ZNF883: variants seen among roughly 807,000 people sequenced by gnomAD.
ZNF883 encodes the protein zinc finger protein 883.
chr9:112,998,002 C>A, exon 1 of ZNF883: 2 of 1,612,938 alleles, frequency 1.2e-6, no homozygotes, highest in Non-Finnish European at 1.7e-6. Flanking sequence ...CTCTTTGATG[C>A]TGAATAAGAT....
intron 2 of ZNF883, among the ~76,000 whole-genome samples, chr9:113,007,948 A>C (rs898998338): frequency 2.0e-5 from 3 of 152,214 alleles, no homozygotes; most frequent in African/African-American, 7.2e-5. Context: ...AAGGAGAAAA[A>C]TTTCAAATTA....
chr9:112,990,365 A>G (rs1828290383), intron 1 of ZNF883, among the ~76,000 whole-genome samples: 1 of 152,184 alleles, frequency 6.6e-6, no homozygotes, highest in Non-Finnish European at 1.5e-5. Context: ...GCATCTATTG[A>G]GATAATCATG....
chr9:112,992,395 T>C (rs60338828), downstream of ZNF883, among the ~76,000 whole-genome samples: 16,174 of 152,232 alleles, frequency 0.11, 983 homozygotes, highest in African/African-American at 0.14. Context: ...CCTTTAAGAA[T>C]GTTGAATATT....
upstream of ZNF883, chr9:112,998,373 C>T (rs1227756024): frequency 6.3e-6 from 5 of 793,334 alleles, no homozygotes; most frequent in Non-Finnish European, 9.0e-6. Flanking sequence ...ACAAATGCAT[C>T]CTTTCTTATA....
chr9:113,002,382 T>C (rs917012942), upstream of ZNF883, among the ~76,000 whole-genome samples: 2 of 149,208 alleles, frequency 1.3e-5, no homozygotes, highest in African/African-American at 5.0e-5. Flanking sequence ...AAATGTAACA[T>C]GGTATCTTGA....
chr9:112,989,133 T>C (rs546072652), intron 1 of ZNF883, among the ~76,000 whole-genome samples: 2 of 152,358 alleles, frequency 1.3e-5, no homozygotes, highest in African/African-American at 4.8e-5. Context: ...TTTAGTTTAA[T>C]TAGATCCCAT....
At chr9:112,992,532 T>C (rs1163250138), downstream of ZNF883, among the ~76,000 whole-genome samples, 1 of 152,160 alleles carries the variant, frequency 6.6e-6, no homozygotes, top group African/African-American at 2.4e-5. Flanking sequence ...ATTTCGACCT[T>C]GGAGAATCTG....
chr9:113,000,634 A>G (rs1415888816), upstream of ZNF883, among the ~76,000 whole-genome samples: 1 of 152,166 alleles, frequency 6.6e-6, no homozygotes, highest in Non-Finnish European at 1.5e-5. Flanking sequence ...AGATTCATAA[A>G]GATACAATGT....
chr9:113,003,226 G>A (rs1160953659), upstream of ZNF883, among the ~76,000 whole-genome samples: 2 of 152,104 alleles, frequency 1.3e-5, no homozygotes, highest in Non-Finnish European at 2.9e-5. Context: ...ACTCTTATGA[G>A]TTCTGATGGT....
intron 2 of ZNF883, among the ~76,000 whole-genome samples, chr9:113,005,838 C>T (rs1256307881): frequency 6.6e-6 from 1 of 152,088 alleles, no homozygotes; most frequent in Non-Finnish European, 1.5e-5. Context: ...TCCTCAGTGC[C>T]ACCCACAGAA....
chr9:113,004,064 C>T (rs935420691), intron 2 of ZNF883, among the ~76,000 whole-genome samples: 19 of 152,094 alleles, frequency 1.2e-4, no homozygotes, highest in Admixed American at 6.5e-5. Context: ...GGCTGGTGCC[C>T]TTTTAAGAAG....
At chr9:112,992,424 G>T (rs1432755925), downstream of ZNF883, among the ~76,000 whole-genome samples, 1 of 152,206 alleles carries the variant, frequency 6.6e-6, no homozygotes, top group Non-Finnish European at 1.5e-5. Flanking sequence ...CTTCAAGCTT[G>T]TAGGGTTTCT....
chr9:112,995,428 T>A (rs991575338), downstream of ZNF883, among the ~76,000 whole-genome samples: 2 of 151,686 alleles, frequency 1.3e-5, no homozygotes, highest in Non-Finnish European at 2.9e-5. Flanking sequence ...TCCATACACA[T>A]CTCCTTCCTT....
chr9:112,997,148 T>A (rs1313655997), exon 1 of ZNF883: 2 of 1,607,972 alleles, frequency 1.2e-6, no homozygotes, highest in Admixed American at 3.4e-5. Flanking sequence ...CTTTCTGAAA[T>A]GAGTTTTCTG....
intron 2 of ZNF883, among the ~76,000 whole-genome samples, chr9:113,009,804 G>A (rs772560995): frequency 2.6e-5 from 4 of 152,062 alleles, no homozygotes; most frequent in African/African-American, 4.8e-5. Flanking sequence ...CATCACGCCC[G>A]GCCCATATTC....
intron 1 of ZNF883, among the ~76,000 whole-genome samples, chr9:112,992,034 A>G (rs996117219): frequency 6.6e-6 from 1 of 152,160 alleles, no homozygotes; most frequent in African/African-American, 2.4e-5. Flanking sequence ...CTCTTTATCC[A>G]GCTTGCCATT....
chr9:112,999,330 C>T (rs1054697448), upstream of ZNF883, among the ~76,000 whole-genome samples: 1 of 152,120 alleles, frequency 6.6e-6, no homozygotes, highest in African/African-American at 2.4e-5. Flanking sequence ...ATAGCCACAG[C>T]CTATTCTTCT....
At chr9:113,009,380 G>A (rs777750268) in intron 2 of ZNF883, among the ~76,000 whole-genome samples, 2 of 152,110 alleles carry the variant, frequency 1.3e-5, no homozygotes, top group Admixed American at 6.5e-5. Flanking sequence ...CTCTGGCCAC[G>A]TGGCCTTCCT....
At chr9:113,008,241 C>T (rs903174076) in intron 2 of ZNF883, among the ~76,000 whole-genome samples, 2 of 151,982 alleles carry the variant, frequency 1.3e-5, no homozygotes, top group African/African-American at 4.8e-5. Context: ...AGAAAATGTA[C>T]AAAACTGAAG....
Sources: allele counts gnomAD v4.1 joint callset (sites outside exome capture counted in the v4.1 genomes callset), GRCh38; gene constraint gnomAD v4.1.1; transcripts MANE v1.5; gene names NCBI Gene and HGNC (gene_info 2026-07-23, HGNC 2026-07-21).